The following CFAP299 variants were observed in gnomAD, a reference collection of about 807,000 sequenced individuals.
CFAP299 encodes the protein cilia and flagella associated protein 299, also known as cilia- and flagella-associated protein 299.
Under a neutral mutation model 27.0 loss-of-function variants are expected in CFAP299, and 21 were observed. The observed-to-expected ratio is 0.78, with a 90% CI of 0.55 to 1.12. The LOEUF is 1.12. Ranked by LOEUF, CFAP299 falls within the 50% of genes most tolerant of loss-of-function variation. CFAP299 has a pLI of 0.00. For synonymous variants in CFAP299, 104 were observed against 98.1 expected, an observed-to-expected ratio of 1.06 and a Z score of -0.36; for missense variants, 310 against 276.6, an observed-to-expected ratio of 1.12 and a Z score of -0.86.
chr4:80,379,792 A>T (rs1578374825), intron 2 of CFAP299, among the ~76,000 whole-genome samples: 1 of 152,074 alleles, frequency 6.6e-6, no homozygotes, highest in East Asian at 1.9e-4. Context: ...GTTTACATTT[A>T]TTGACATTTA....
chr4:80,529,243 C>A (rs765694841), intron 2 of CFAP299, among the ~76,000 whole-genome samples: 8 of 151,654 alleles, frequency 5.3e-5, no homozygotes, highest in Non-Finnish European at 1.2e-4. Flanking sequence ...GTTTTTTTTT[C>A]TCTGCCTCAT....
chr4:80,715,027 G>A (rs1722398872), intron 3 of CFAP299, among the ~76,000 whole-genome samples: 2 of 152,008 alleles, frequency 1.3e-5, no homozygotes, highest in Admixed American at 1.3e-4. Context: ...CTGACTCTTG[G>A]CAAGTTTAGG....
rs146375568 is a variant in CFAP299, at chr4:80,758,187, C to T, written c.334-111806C>T. Among the ~76,000 whole-genome samples, 773 of 152,202 alleles carry T rather than the reference C, an allele frequency of 5.1e-3. 4 individuals are homozygous for T. Among genetic ancestry groups the T allele is most frequent in the Middle Eastern group, 0.02 (6 of 294 alleles). ...GAGGAATGAGGTCTCACAAATGAAT[C>T]GAAGATGGTAAATGTGGGGAATTTT... On this transcript the variant is annotated intron_variant, in intron 3 of 5. Transcript: ENST00000358105.
chr4:80,484,983 C>T (rs1441021133), intron 2 of CFAP299, among the ~76,000 whole-genome samples: 2 of 151,942 alleles, frequency 1.3e-5, no homozygotes, highest in African/African-American at 4.8e-5. Context: ...TTCTATTGAA[C>T]AATTGAATAA....
the CFAP299 span, among the ~76,000 whole-genome samples, chr4:80,322,571 T>A: frequency 6.6e-6 from 1 of 152,138 alleles, no homozygotes; most frequent in Non-Finnish European, 1.5e-5. Context: ...TATAAACAGA[T>A]TACAAGAAAC....
chr4:80,770,420 A>G lies in CFAP299; in HGVS notation c.334-99573A>G, dbSNP rs1451252009. Among the ~76,000 whole-genome samples, 6 of 150,508 alleles carry G rather than the reference A, an allele frequency of 4.0e-5. No individual in the cohort carries two copies. In the South Asian group the frequency reaches 8.6e-4, roughly 22 times the overall value. ...TCTCCTTAACTATATATACAAGTTT[A>G]TGGACTGAAAGCTGTGTTTTCTACA... is the stretch of plus-strand genomic sequence containing the variant. On this transcript the variant is annotated intron_variant, in intron 3 of 5. Coordinates refer to ENST00000358105, the MANE Select transcript of CFAP299 (RefSeq NM_152770.3).
In CFAP299 at chr4:80,612,874, G is replaced by C. The variant is rs376040637; in HGVS notation, c.333+29691G>C. ...TCATTTAGCACGTGGTTCTTAACAAGTTTGATTGTCTGTTTTAGTCACCTT... is the reference window on the plus strand; with the variant it reads ...TCATTTAGCACGTGGTTCTTAACAACTTTGATTGTCTGTTTTAGTCACCTT... On this transcript the variant is annotated intron_variant, in intron 3 of 5. Coordinates refer to ENST00000358105, the MANE Select transcript of CFAP299 (RefSeq NM_152770.3). 1.1e-4 allele frequency among the ~76,000 whole-genome samples: 16 copies of C among 152,158 alleles called. 1 individual carries two copies. In the East Asian group the frequency reaches 1.5e-3, roughly 15 times the overall value.
At chr4:80,671,920 A>G (rs1283302508) in intron 3 of CFAP299, among the ~76,000 whole-genome samples, 2 of 152,214 alleles carry the variant, frequency 1.3e-5, no homozygotes, top group Non-Finnish European at 1.5e-5. Context: ...TTTTCTAAAT[A>G]TACAATCATG....
At position 80,813,902 on chromosome 4, in the gene CFAP299, C is replaced by T. The variant is rs148149652; in HGVS notation, c.334-56091C>T. 5.0e-3 allele frequency among the ~76,000 whole-genome samples: 767 copies of T among 151,958 alleles called. 3 individuals carry two copies. The highest frequency in any genetic ancestry group is 0.018 in the African/African-American group (728 of 41,520). On this transcript the variant is annotated intron_variant, in intron 3 of 5. Transcript: ENST00000358105. ...AATAATTGAAAAGTCCTTACATTATCGTGAAATTTGTTTCATCTATTTTCT... is the reference window on the plus strand; with the variant it reads ...AATAATTGAAAAGTCCTTACATTATTGTGAAATTTGTTTCATCTATTTTCT...
At chr4:80,946,269 A>T (rs1737472213) in intron 5 of CFAP299, among the ~76,000 whole-genome samples, 1 of 152,186 alleles carries the variant, frequency 6.6e-6, no homozygotes, top group Non-Finnish European at 1.5e-5. Context: ...GTAAGTGTAG[A>T]TGGTGACAGT....
intron 3 of CFAP299, among the ~76,000 whole-genome samples, chr4:80,835,557 G>C (rs537974873): frequency 1.1e-3 from 166 of 151,550 alleles, no homozygotes; most frequent in African/African-American, 3.8e-3. Flanking sequence ...AATGATATCA[G>C]GTTCTAATCC....
intron 3 of CFAP299, among the ~76,000 whole-genome samples, chr4:80,651,779 G>A (rs562902206): frequency 1.3e-5 from 2 of 151,400 alleles, no homozygotes; most frequent in Admixed American, 1.3e-4. Flanking sequence ...AGGCACAGAA[G>A]AGACAAAATC....
intron 2 of CFAP299, among the ~76,000 whole-genome samples, chr4:80,414,351 T>G (rs2110064165): frequency 6.6e-6 from 1 of 152,172 alleles, no homozygotes; most frequent in Non-Finnish European, 1.5e-5. Context: ...ATTACAGGCG[T>G]GAGCCACCGC....
intron 3 of CFAP299, among the ~76,000 whole-genome samples, chr4:80,844,194 A>T (rs1014090726): frequency 3.9e-5 from 6 of 152,138 alleles, no homozygotes; most frequent in African/African-American, 1.4e-4. Flanking sequence ...TGCTATTGTG[A>T]ATAGTGCCAC....
Position 80,894,854 on chromosome 4 carries a change from A to G in CFAP299, c.476+24719A>G, listed in dbSNP as rs557802804. 3.3e-5 allele frequency among the ~76,000 whole-genome samples: 5 copies of G among 152,002 alleles called. 1 individual carries two copies. In the South Asian group the frequency reaches 1.0e-3, roughly 32 times the overall value. ...CAGCCTTGAAAAAGAAGAAAACACT[A>G]TTATTTTTGTGGATGATGTGGAGGA... On this transcript the variant is annotated intron_variant, in intron 4 of 5. Coordinates refer to ENST00000358105, the MANE Select transcript of CFAP299 (RefSeq NM_152770.3).
chr4:80,663,705 C>A (rs183945509), intron 3 of CFAP299, among the ~76,000 whole-genome samples: 1 of 152,128 alleles, frequency 6.6e-6, no homozygotes, highest in Non-Finnish European at 1.5e-5. Context: ...CTTGAGGAAT[C>A]GCCACACTGT....
At chr4:80,938,581 T>C (rs1236952527) in intron 4 of CFAP299, among the ~76,000 whole-genome samples, 1 of 152,194 alleles carries the variant, frequency 6.6e-6, no homozygotes, top group Non-Finnish European at 1.5e-5. Context: ...TTAGAGACTC[T>C]CAGCTCTGGA....
At chr4:80,753,547 ATTCTCAGCCATT>A (rs1352107355) in intron 3 of CFAP299, among the ~76,000 whole-genome samples, 1 of 152,076 alleles carries the variant, frequency 6.6e-6, no homozygotes, top group Non-Finnish European at 1.5e-5. Flanking sequence ...ATTTTGGAAA[ATTCTCAGCCATT>A]TATTTCTTCA....
At chr4:80,667,555 C>T (rs545021174) in intron 3 of CFAP299, among the ~76,000 whole-genome samples, 2 of 152,170 alleles carry the variant, frequency 1.3e-5, no homozygotes, top group African/African-American at 2.4e-5. Flanking sequence ...TCATGAGACC[C>T]ACTTTTTTTG....
Sources: gnomAD v4.1 joint callset for allele counts (sites outside exome capture counted in the v4.1 genomes callset) on GRCh38, gnomAD v4.1.1 for gene constraint, MANE v1.5 for transcripts, NCBI Gene and HGNC (gene_info 2026-07-23, HGNC 2026-07-21) for gene names.